Variants in CHST9 observed in about 807,000 individuals in gnomAD.
CHST9 encodes the protein carbohydrate sulfotransferase 9, also known as GalNAc-4-sulfotransferase 2.
In CHST9, 41 loss-of-function variants were observed where a neutral mutation model predicts 44.4. The observed-to-expected ratio is 0.92, with a 90% CI of 0.72 to 1.20. The LOEUF (loss-of-function observed/expected upper bound fraction) is 1.20. Among genes scored for constraint, CHST9 ranks in the 50% most tolerant of loss-of-function variants. The pLI, the probability that CHST9 is intolerant of heterozygous loss-of-function variation, is 0.00. For synonymous variants in CHST9, 171 were observed against 178.4 expected (o/e 0.96, Z 0.33); for missense variants, 504 against 516.5 (o/e 0.98, Z 0.23).
chr18:26,994,388 C>A (rs966895181), intron 4 of CHST9, among the ~76,000 whole-genome samples: 3 of 152,046 alleles, frequency 2.0e-5, no homozygotes, highest in African/African-American at 7.2e-5. Flanking sequence ...GTGTGTGTGA[C>A]AGAGAGAAAG....
At chr18:27,053,263 A>AAGAG (rs2057604513) in intron 2 of CHST9, among the ~76,000 whole-genome samples, 2 of 69,350 alleles carry the variant, frequency 2.9e-5, no homozygotes, top group South Asian at 6.2e-4. Context: ...AAGAAGAAGG[A>AAGAG]GAAGGAGAAG....
At chr18:27,057,766 G>A (rs570833433) in intron 2 of CHST9, among the ~76,000 whole-genome samples, 3 of 152,348 alleles carry the variant, frequency 2.0e-5, no homozygotes, top group East Asian at 3.9e-4. Flanking sequence ...CTGCCATCCG[G>A]CATAGCGTGG....
intron 2 of CHST9, among the ~76,000 whole-genome samples, chr18:27,130,213 T>C (rs1211833677): frequency 6.6e-6 from 1 of 152,196 alleles, no homozygotes; most frequent in East Asian, 1.9e-4. Context: ...ACTGAATCAA[T>C]ACTTGCTAAC....
intron 3 of CHST9, among the ~76,000 whole-genome samples, chr18:27,044,671 T>C (rs1471928371): frequency 1.3e-5 from 2 of 152,042 alleles, no homozygotes; most frequent in Non-Finnish European, 2.9e-5. Context: ...TCTTGATTTT[T>C]AAGTTTTTTT....
intron 2 of CHST9, among the ~76,000 whole-genome samples, chr18:27,072,515 C>A (rs1231564557): frequency 6.6e-6 from 1 of 151,990 alleles, no homozygotes; most frequent in African/African-American, 2.4e-5. Context: ...TAGGATGTGC[C>A]AGAGGTCGAA....
At chr18:26,979,028 A>T (rs537680204) in intron 4 of CHST9, among the ~76,000 whole-genome samples, 95 of 151,296 alleles carry the variant, frequency 6.3e-4, no homozygotes, top group African/African-American at 1.8e-3. Flanking sequence ...ATTTTATTTT[A>T]TTTTTTTTAA....
At chr18:27,150,493 G>C (rs2058650900) in intron 1 of CHST9, among the ~76,000 whole-genome samples, 1 of 152,170 alleles carries the variant, frequency 6.6e-6, no homozygotes, top group Non-Finnish European at 1.5e-5. Context: ...TTACTTAGGA[G>C]TTAATCTTCT....
chr18:27,069,475 AT>A lies in CHST9; in HGVS notation c.122-20973del, dbSNP rs145643638. Among the ~76,000 whole-genome samples the A allele has an allele frequency of 8.9e-3, 1,358 of 152,296 alleles. 13 individuals carry two copies. Among genetic ancestry groups the A allele is most frequent in the African/African-American group, 0.03 (1,245 of 41,564 alleles). On this transcript the variant is annotated intron_variant, in intron 2 of 5. Coordinates refer to ENST00000618847, the MANE Select transcript of CHST9 (RefSeq NM_031422.6). ...AAATGTATGACTGAAAAAAATCAGA[AT>A]GATAGAAAATGTTCCCAAAAAGCCA...
chr18:27,157,764 T>C (rs924362175), intron 1 of CHST9, among the ~76,000 whole-genome samples: 1 of 151,974 alleles, frequency 6.6e-6, no homozygotes, highest in Non-Finnish European at 1.5e-5. Context: ...AGAAATAATA[T>C]ATAACTCTGA....
At chr18:26,966,880 TAAA>T (rs35286743) in intron 4 of CHST9, among the ~76,000 whole-genome samples, 3 of 128,614 alleles carry the variant, frequency 2.3e-5, no homozygotes, top group Admixed American at 1.6e-4. Context: ...TTACTTTCTT[TAAA>T]AAAAAAAAAA....
intron 2 of CHST9, among the ~76,000 whole-genome samples, chr18:27,105,069 G>A (rs1174031346): frequency 1.3e-5 from 2 of 151,460 alleles, no homozygotes; most frequent in African/African-American, 4.9e-5. Context: ...CCCTTCCTTT[G>A]TCCTTTCTTC....
chr18:26,970,032 C>T (rs2056521708), intron 4 of CHST9, among the ~76,000 whole-genome samples: 2 of 152,084 alleles, frequency 1.3e-5, no homozygotes, highest in Non-Finnish European at 2.9e-5. Context: ...TCCAGAGCAC[C>T]TTCTCCAGGG....
chr18:26,944,313 A>G lies in CHST9; in HGVS notation c.240+16T>C, dbSNP rs2056129886. On this transcript the variant is annotated intron_variant, in intron 5 of 5. Transcript: ENST00000618847. ...ACAAAATTCTATATTAGAGTTTACG[A>G]GAAATGAGAGAATACCTGGTTGGTG... is the stretch of plus-strand genomic sequence containing the variant. 1 of 1,596,502 alleles carries G rather than the reference A, an allele frequency of 6.3e-7. No individual in the cohort carries two copies. Among genetic ancestry groups the G allele is most frequent in the African/African-American group, 1.3e-5 (1 of 74,552 alleles).
At chr18:27,126,972 A>G (rs150287876) in intron 2 of CHST9, among the ~76,000 whole-genome samples, 1 of 152,328 alleles carries the variant, frequency 6.6e-6, no homozygotes, top group Non-Finnish European at 1.5e-5. Context: ...AGAGGAAGGA[A>G]GAGGAAACTG....
At chr18:26,939,784 C>T (rs1268290931) in intron 5 of CHST9, among the ~76,000 whole-genome samples, 1 of 152,128 alleles carries the variant, frequency 6.6e-6, no homozygotes, top group Non-Finnish European at 1.5e-5. Flanking sequence ...GTGGGCAGGG[C>T]CTGCATCTGC....
At chr18:27,141,591 C>CAAAAAAAAAAAAAAA (rs34920055) in intron 2 of CHST9, among the ~76,000 whole-genome samples, 9 of 50,096 alleles carry the variant, frequency 1.8e-4, no homozygotes, top group East Asian at 1.1e-3. Flanking sequence ...AATCCCGACT[C>CAAAAAAAAAAAAAAA]AAAAAAAAAA....
chr18:27,040,026 G>A (rs992342447), intron 3 of CHST9, among the ~76,000 whole-genome samples: 2 of 152,072 alleles, frequency 1.3e-5, no homozygotes, highest in African/African-American at 4.8e-5. Flanking sequence ...ACTTTTTGGA[G>A]GAGGAAAGGA....
chr18:27,040,586 G>T (rs777535609), intron 3 of CHST9, among the ~76,000 whole-genome samples: 2 of 152,084 alleles, frequency 1.3e-5, no homozygotes, highest in African/African-American at 2.4e-5. Flanking sequence ...GACTTGAGGT[G>T]TTTCATGTTT....
chr18:27,009,724 AG>A (rs2057060459), intron 4 of CHST9, among the ~76,000 whole-genome samples: 1 of 152,214 alleles, frequency 6.6e-6, no homozygotes, highest in Non-Finnish European at 1.5e-5. Flanking sequence ...TCTGTTGAAA[AG>A]GGTACCATCA....
Sources: allele counts gnomAD v4.1 joint callset (sites outside exome capture counted in the v4.1 genomes callset), GRCh38; gene constraint gnomAD v4.1.1; transcripts MANE v1.5; gene names NCBI Gene and HGNC (gene_info 2026-07-23, HGNC 2026-07-21).